MIER3: variants seen among roughly 807,000 people sequenced by gnomAD.
The protein encoded by MIER3 is mesoderm induction early response protein 3.
MIER3 carries 9 observed loss-of-function variants against 63.2 expected under a neutral mutation model. The observed-to-expected ratio is 0.14, with a 90% CI of 0.09 to 0.25. The LOEUF is 0.25. Among genes scored for constraint, MIER3 ranks in the 10% least tolerant of loss-of-function variants. The pLI, the probability that MIER3 is intolerant of heterozygous loss-of-function variation, is 1.00. For synonymous variants in MIER3, 205 were observed against 224.9 expected (o/e 0.91, Z 0.79); for missense variants, 512 against 666.2 (o/e 0.77, Z 2.55).
chr5:56,945,741 A>T (rs1186436212), intron 3 of MIER3, among the ~76,000 whole-genome samples: 1 of 152,224 alleles, frequency 6.6e-6, no homozygotes, highest in Non-Finnish European at 1.5e-5. Context: ...TACTATGAAC[A>T]TAAAAACTTA....
Position 56,922,795 on chromosome 5 carries a change from ATTGGG to A in MIER3, c.*328_*332del. 4 of 269,398 alleles carry A rather than the reference ATTGGG, an allele frequency of 1.5e-5. No individual in the cohort carries two copies. The highest frequency in any genetic ancestry group is 5.6e-5 in the South Asian group (1 of 17,914). The allele number at this position is 269,398 out of a possible 1,614,324, so 16.7% of individuals were successfully genotyped here. ...GTGGCCTCTGTCTACAGGTTTTAAA[ATTGGG>A]AGTGAGGGCAGTGGGGAACACAAAA... is the stretch of plus-strand genomic sequence containing the variant. On this transcript the variant is annotated 3_prime_UTR_variant, in exon 13 of 13. Transcript: ENST00000381199.
rs761837547 is a variant in MIER3, at chr5:56,935,534, TA to T, written c.523-35del. On this transcript the variant is annotated intron_variant, in intron 6 of 12. Coordinates refer to ENST00000381199, the MANE Select transcript of MIER3 (RefSeq NM_001297599.2). ...AAATTGAGAGGTAAAAATAACTTAT[TA>T]AAAAAAAAATACTGAAAAAAAGCCC... 5,830 of 1,388,864 alleles carry T rather than the reference TA, an allele frequency of 4.2e-3. 1 individual carries two copies. Among genetic ancestry groups the T allele is most frequent in the South Asian group, 5.5e-3 (394 of 71,958 alleles). 86.0% of individuals were successfully genotyped at this position (1,388,864 alleles called of 1,614,324 possible).
chr5:56,937,771 T>A (rs1408198532), intron 4 of MIER3, 73 bp from the exon 5 acceptor site: 6 of 1,351,682 alleles, frequency 4.4e-6, no homozygotes. Context: ...TATCTTTTTA[T>A]AACATATCAT....
chr5:56,946,363 GA>G (rs1561246160), intron 3 of MIER3, among the ~76,000 whole-genome samples: 1 of 152,100 alleles, frequency 6.6e-6, no homozygotes, highest in African/African-American at 2.4e-5. Flanking sequence ...CAGTTCATTT[GA>G]ATTTATATTG....
At chr5:56,931,515 TA>T (rs1489552630) in intron 8 of MIER3, among the ~76,000 whole-genome samples, 1 of 152,126 alleles carries the variant, frequency 6.6e-6, no homozygotes, top group African/African-American at 2.4e-5. Context: ...AATTTCAATT[TA>T]AAAAAATCAA....
intron 10 of MIER3, chr5:56,925,399 C>T (rs903341657): frequency 1.8e-5 from 8 of 444,422 alleles, no homozygotes; most frequent in Admixed American, 1.0e-4. Flanking sequence ...CTAATAAGCA[C>T]TTACAGCAAA....
chr5:56,931,327 AATCT>A (rs1372553061), intron 8 of MIER3, among the ~76,000 whole-genome samples: 1 of 152,164 alleles, frequency 6.6e-6, no homozygotes, highest in Non-Finnish European at 1.5e-5. Context: ...AAAGTTAAAT[AATCT>A]ATCTACCTTC....
intron 7 of MIER3, among the ~76,000 whole-genome samples, chr5:56,933,646 C>T (rs1750349132): frequency 6.6e-6 from 1 of 152,196 alleles, no homozygotes; most frequent in Non-Finnish European, 1.5e-5. Context: ...ACTGACCAAT[C>T]TGAAGGCTCT....
intron 4 of MIER3, among the ~76,000 whole-genome samples, chr5:56,938,653 A>G (rs1301853859): frequency 2.6e-5 from 4 of 152,240 alleles, no homozygotes; most frequent in Admixed American, 6.5e-5. Context: ...GGAAAGATGA[A>G]AACATTATGG....
chr5:56,925,476 A>G, intron 10 of MIER3: 1 of 288,954 alleles, frequency 3.5e-6, no homozygotes, highest in South Asian at 3.1e-5. Context: ...TGACGATTGA[A>G]ATTTGAAATT....
intron 3 of MIER3, among the ~76,000 whole-genome samples, chr5:56,945,662 C>T (rs1412733134): frequency 1.3e-5 from 2 of 152,064 alleles, no homozygotes; most frequent in Admixed American, 1.3e-4. Flanking sequence ...TTCCATAACA[C>T]GACGTACTAA....
Position 56,952,085 on chromosome 5 carries a change from C to G in MIER3, c.9+9G>C, listed in dbSNP as rs756135131. On this transcript the variant is annotated intron_variant, in intron 1 of 12. Coordinates refer to ENST00000381199, the MANE Select transcript of MIER3 (RefSeq NM_001297599.2). ...AGCCCGGCTGCTCCTGCCCGGTTTC[C>G]CTGCTCACCTCCGCCATATTGGTAC... 1 of 1,303,550 alleles carries G rather than the reference C, an allele frequency of 7.7e-7. No individual in the cohort carries two copies. The highest frequency in any genetic ancestry group is 1.8e-5 in the South Asian group (1 of 56,912). 80.7% of individuals were successfully genotyped at this position (1,303,550 alleles called of 1,614,324 possible).
chr5:56,927,343 G>A (rs1254633354), intron 10 of MIER3, among the ~76,000 whole-genome samples: 1 of 151,982 alleles, frequency 6.6e-6, no homozygotes, highest in Non-Finnish European at 1.5e-5. Context: ...AGGAGTGGAA[G>A]GGACATAAGG....
intron 4 of MIER3, chr5:56,938,279 G>A: frequency 2.1e-6 from 1 of 471,168 alleles, no homozygotes; most frequent in South Asian, 1.5e-5. Flanking sequence ...CTTAAAAGTG[G>A]GAACAATATA....
chr5:56,946,953 G>A lies in MIER3; in HGVS notation c.153C>T (p.Phe51=). Residue 51 remains phenylalanine (F), a synonymous_variant, in exon 3 of 13, where the codon TTC becomes TTT. Transcript: ENST00000381199. ...EEEMMDEGKN[F]SSEIEDLEKE... ...TTTCTAAGTCTTCAATTTCTGAACTGAAGTTTTTACCCTCATCCATCATTT... is the reference window on the plus strand; with the variant it reads ...TTTCTAAGTCTTCAATTTCTGAACTAAAGTTTTTACCCTCATCCATCATTT... 1 of 1,594,802 alleles carries A rather than the reference G, an allele frequency of 6.3e-7. No individual in the cohort carries two copies. The highest frequency in any genetic ancestry group is 8.5e-7 in the Non-Finnish European group (1 of 1,173,116).
intron 3 of MIER3, among the ~76,000 whole-genome samples, chr5:56,946,117 C>T (rs2112146712): frequency 6.6e-6 from 1 of 152,298 alleles, no homozygotes; most frequent in Non-Finnish European, 1.5e-5. Context: ...TACTCCACTC[C>T]TGCCTCACAA....
At chr5:56,935,371 C>A in intron 7 of MIER3, 57 bp downstream of exon 7, 2 of 1,304,548 alleles carry the variant, frequency 1.5e-6, no homozygotes, top group Non-Finnish European at 2.1e-6. Context: ...TTTAAATACA[C>A]TTATCAAGTG....
At chr5:56,926,682 C>T (rs941450041) in intron 10 of MIER3, among the ~76,000 whole-genome samples, 9 of 152,112 alleles carry the variant, frequency 5.9e-5, no homozygotes, top group African/African-American at 2.2e-4. Flanking sequence ...AAAATAAACA[C>T]ATTTTCACCA....
chr5:56,940,851 T>C (rs1361424378), intron 3 of MIER3: 1 of 423,638 alleles, frequency 2.4e-6, no homozygotes, highest in Admixed American at 6.4e-5. Context: ...CCTTGCAGAG[T>C]CCATGCAGCC....
Sources: gnomAD v4.1 joint callset for allele counts (sites outside exome capture counted in the v4.1 genomes callset) on GRCh38, gnomAD v4.1.1 for gene constraint, MANE v1.5 for transcripts, NCBI Gene and HGNC (gene_info 2026-07-23, HGNC 2026-07-21) for gene names.